KLF12: variants seen among roughly 807,000 people sequenced by gnomAD.
KLF12 encodes Krueppel-like factor 12.
In KLF12, 9 loss-of-function variants were observed where a neutral mutation model predicts 37.8. The observed-to-expected ratio is 0.24, with a 90% CI of 0.14 to 0.42. KLF12 has a LOEUF of 0.42. Ranked by LOEUF, KLF12 falls within the 10% of genes least tolerant of loss-of-function variation. The pLI, the probability that KLF12 is intolerant of heterozygous loss-of-function variation, is 1.00. For synonymous variants in KLF12, 208 were observed against 202.1 expected (o/e 1.03, Z -0.25); for missense variants, 411 against 516.0 (o/e 0.80, Z 1.97).
the KLF12 span, among the ~76,000 whole-genome samples, chr13:74,273,751 T>C: frequency 7.2e-5 from 11 of 152,148 alleles, no homozygotes; most frequent in African/African-American, 2.7e-4. Context: ...CACAGCTTTC[T>C]GGGAAAAGCC....
At chr13:74,290,116 C>G in the KLF12 span, among the ~76,000 whole-genome samples, 2 of 152,132 alleles carry the variant, frequency 1.3e-5, no homozygotes, top group African/African-American at 4.8e-5. Flanking sequence ...GTCTGCTAGA[C>G]CCCCAGACAG....
Position 73,822,017 on chromosome 13 carries a change from G to A in KLF12, c.671-8730C>T, listed in dbSNP as rs74095774. On this transcript the variant is annotated intron_variant, in intron 4 of 7. Transcript: ENST00000377669. ...TCCAATTATGCTGTTTACTCCTTGA[G>A]AGGGGAGACCACGTCAATTATACTC... Among the ~76,000 whole-genome samples the A allele has an allele frequency of 7.3e-3, 1,108 of 152,196 alleles. 15 individuals are homozygous for A. Among genetic ancestry groups the A allele is most frequent in the African/African-American group, 0.025 (1,031 of 41,516 alleles).
intron 1 of KLF12, among the ~76,000 whole-genome samples, chr13:74,118,284 T>C (rs1284595706): frequency 6.6e-6 from 1 of 152,242 alleles, no homozygotes; most frequent in Non-Finnish European, 1.5e-5. Flanking sequence ...TACTTTTGTA[T>C]ATGTTTAAAA....
chr13:74,054,405 A>T (rs1423890286), intron 1 of KLF12, among the ~76,000 whole-genome samples: 2 of 152,208 alleles, frequency 1.3e-5, no homozygotes, highest in African/African-American at 2.4e-5. Context: ...TAAAAATCCC[A>T]CGGAGAGTCA....
the KLF12 span, among the ~76,000 whole-genome samples, chr13:74,256,109 C>T: frequency 7.3e-5 from 11 of 150,200 alleles, no homozygotes; most frequent in South Asian, 6.3e-4. Flanking sequence ...GAGGGGAGAT[C>T]GCGCCACTGC....
intron 3 of KLF12, among the ~76,000 whole-genome samples, chr13:73,908,950 A>G (rs1230295909): frequency 6.6e-6 from 1 of 152,234 alleles, no homozygotes; most frequent in Non-Finnish European, 1.5e-5. Flanking sequence ...TGAATGAACA[A>G]ATCAATGAAT....
At chr13:73,944,167 T>C (rs1200947617) in intron 2 of KLF12, 97 bp from the exon 3 acceptor site, 2 of 717,030 alleles carry the variant, frequency 2.8e-6, no homozygotes, top group African/African-American at 1.8e-5. Flanking sequence ...TTAGTATTGC[T>C]AACCTAATTT....
At chr13:74,079,842 A>G (rs930801286) in intron 1 of KLF12, among the ~76,000 whole-genome samples, 11 of 152,210 alleles carry the variant, frequency 7.2e-5, no homozygotes, top group African/African-American at 2.7e-4. Context: ...AAAGTTAAAA[A>G]CAGAATTACC....
the KLF12 span, among the ~76,000 whole-genome samples, chr13:74,181,613 C>T: frequency 4.7e-5 from 7 of 150,456 alleles, no homozygotes; most frequent in Admixed American, 1.3e-4. Flanking sequence ...GCAGGAAAAT[C>T]GCTTGAACCC....
At chr13:74,009,298 T>C (rs1341998847) in intron 1 of KLF12, among the ~76,000 whole-genome samples, 1 of 152,228 alleles carries the variant, frequency 6.6e-6, no homozygotes, top group Non-Finnish European at 1.5e-5. Flanking sequence ...ATGCAATTCA[T>C]AAATCAGGTT....
chr13:73,892,016 T>G (rs1052082178), intron 3 of KLF12, among the ~76,000 whole-genome samples: 1 of 145,054 alleles, frequency 6.9e-6, no homozygotes, highest in East Asian at 2.5e-4. Context: ...ATAGCATTCA[T>G]TGACAATATT....
At chr13:73,889,070 C>A (rs1006654389) in intron 3 of KLF12, among the ~76,000 whole-genome samples, 20 of 152,202 alleles carry the variant, frequency 1.3e-4, no homozygotes, top group African/African-American at 4.8e-4. Context: ...CATCTCTTGA[C>A]ATCTTTAGTC....
At chr13:74,019,087 G>C (rs955451312) in intron 1 of KLF12, among the ~76,000 whole-genome samples, 2 of 152,112 alleles carry the variant, frequency 1.3e-5, no homozygotes, top group Admixed American at 1.3e-4. Context: ...TACATTTCTG[G>C]ATCAAGGGTC....
intron 6 of KLF12, among the ~76,000 whole-genome samples, chr13:73,722,654 A>G (rs1413496898): frequency 6.6e-6 from 1 of 152,208 alleles, no homozygotes; most frequent in African/African-American, 2.4e-5. Context: ...TGACTGAGAC[A>G]TTATATCATG....
intron 1 of KLF12, among the ~76,000 whole-genome samples, chr13:73,997,548 T>C (rs897551719): frequency 1.8e-4 from 27 of 152,140 alleles, no homozygotes; most frequent in Admixed American, 1.8e-3. Context: ...GGGCCTTTAG[T>C]TTTTCCCCCC....
intron 1 of KLF12, among the ~76,000 whole-genome samples, chr13:74,104,034 A>G (rs932051422): frequency 2.6e-5 from 4 of 152,244 alleles, no homozygotes; most frequent in Non-Finnish European, 5.9e-5. Flanking sequence ...TCCACTGGGA[A>G]TAATGGGTTA....
intron 3 of KLF12, among the ~76,000 whole-genome samples, chr13:73,861,315 T>C (rs1028615532): frequency 6.6e-6 from 1 of 152,236 alleles, no homozygotes; most frequent in African/African-American, 2.4e-5. Flanking sequence ...GGGGATTACC[T>C]GTACCAGCAA....
chr13:73,889,157 G>T (rs935738244), intron 3 of KLF12, among the ~76,000 whole-genome samples: 12 of 152,112 alleles, frequency 7.9e-5, no homozygotes, highest in African/African-American at 2.9e-4. Flanking sequence ...TTGGAGAGTT[G>T]GGTAGAGACA....
chr13:73,735,263 A>G (rs1188220465), intron 6 of KLF12, among the ~76,000 whole-genome samples: 10 of 152,026 alleles, frequency 6.6e-5, no homozygotes, highest in Admixed American at 6.6e-4. Context: ...GTGCCACTGC[A>G]CTCCAGTCTG....
Sources: allele counts gnomAD v4.1 joint callset (sites outside exome capture counted in the v4.1 genomes callset), GRCh38; gene constraint gnomAD v4.1.1; transcripts MANE v1.5; gene names NCBI Gene and HGNC (gene_info 2026-07-23, HGNC 2026-07-21).